Variants in ZNF385D observed in about 807,000 individuals in gnomAD.
ZNF385D encodes zinc finger protein 659.
In ZNF385D, 15 loss-of-function variants were observed where a neutral mutation model predicts 35.8. The ratio of observed to expected loss-of-function variants is 0.42; its 90% CI spans 0.28 to 0.64. The LOEUF (loss-of-function observed/expected upper bound fraction) is 0.64. ZNF385D is among the 30% of genes least tolerant of loss of function. The pLI is 0.23. For missense variants in ZNF385D, 474 were observed against 494.6 expected, an observed-to-expected ratio of 0.96 and a Z score of 0.39; for synonymous variants, 212 against 186.8, an observed-to-expected ratio of 1.13 and a Z score of -1.10.
Position 21,676,282 on chromosome 3 carries a change from T to G in ZNF385D, c.23-11254A>C, listed in dbSNP as rs2066721089. The stretch of plus-strand genomic sequence containing the variant: ...ACTCTATAATACCAAAAAGATACTC[T>G]GATTTCAATTTCCTTAAGAACATTC... On this transcript the variant is annotated intron_variant, in intron 1 of 7. Transcript: ENST00000281523. Among the ~76,000 whole-genome samples, 3 of 152,170 alleles carry G rather than the reference T, an allele frequency of 2.0e-5. No homozygotes were observed. In the South Asian group the frequency reaches 6.2e-4, roughly 31 times the overall value.
intron 4 of ZNF385D, among the ~76,000 whole-genome samples, chr3:21,489,911 C>T (rs772879395): frequency 6.6e-6 from 1 of 152,094 alleles, no homozygotes; most frequent in Non-Finnish European, 1.5e-5. Flanking sequence ...TTTGTCTGGA[C>T]CTGAACACAA....
At chr3:21,915,741 T>C (rs1700165235) in intron 3 of ZNF385D, among the ~76,000 whole-genome samples, 2 of 152,000 alleles carry the variant, frequency 1.3e-5, no homozygotes, top group Admixed American at 1.3e-4. Flanking sequence ...CAAGGGTAGG[T>C]TGGAAATCAA....
rs1259562767 is a variant in ZNF385D, at chr3:21,529,461, C to T, written c.277-18438G>A. On this transcript the variant is annotated intron_variant, in intron 3 of 7. Transcript: ENST00000281523. ...TTTCATCCTTCTTCATTTTTCCTGGCTGTCCTTTCTCATCATAATTTAGAA... is the reference window on the plus strand; with the variant it reads ...TTTCATCCTTCTTCATTTTTCCTGGTTGTCCTTTCTCATCATAATTTAGAA... 2.0e-5 allele frequency among the ~76,000 whole-genome samples: 3 copies of T among 152,270 alleles called. No homozygotes were observed. The East Asian group carries it at 5.8e-4, about 29-fold the overall frequency.
At chr3:21,741,262 C>T (rs1213552297) in intron 1 of ZNF385D, among the ~76,000 whole-genome samples, 1 of 152,142 alleles carries the variant, frequency 6.6e-6, no homozygotes, top group Non-Finnish European at 1.5e-5. Flanking sequence ...CAGATGGGTG[C>T]CATAAACGAA....
intron 3 of ZNF385D, among the ~76,000 whole-genome samples, chr3:22,078,837 A>C (rs1325134578): frequency 2.2e-4 from 34 of 152,084 alleles, no homozygotes; most frequent in Admixed American, 2.2e-3. Flanking sequence ...AGCAAAGATA[A>C]GTTCTATAAT....
At chr3:22,326,966 C>A (rs1039865749) in intron 2 of ZNF385D, among the ~76,000 whole-genome samples, 1 of 152,144 alleles carries the variant, frequency 6.6e-6, no homozygotes, top group Admixed American at 6.5e-5. Flanking sequence ...GGAACATTTG[C>A]AAGTTCCAAG....
At position 21,532,073 on chromosome 3, in the gene ZNF385D, GAA is replaced by G. The variant is rs2061937451; in HGVS notation, c.277-21052_277-21051del. ...GCTCTAAAAATAAAGTCGGGAGAGA[GAA>G]AGAGAGAGAGAGAGAGCAAGCACCA... On this transcript the variant is annotated intron_variant, in intron 3 of 7. Transcript: ENST00000281523. Among the ~76,000 whole-genome samples, 2 of 140,974 alleles carry G rather than the reference GAA, an allele frequency of 1.4e-5. 1 individual carries two copies. Among genetic ancestry groups the G allele is most frequent in the East Asian group, 4.2e-4 (2 of 4,790 alleles). 92.5% of individuals were successfully genotyped at this position (140,974 alleles called of 152,430 possible).
At chr3:22,014,416 G>A (rs1161901156) in intron 3 of ZNF385D, among the ~76,000 whole-genome samples, 1 of 152,050 alleles carries the variant, frequency 6.6e-6, no homozygotes, top group Non-Finnish European at 1.5e-5. Context: ...AGATGCCAGA[G>A]AAAAGAAAGA....
chr3:22,258,302 G>A (rs1417100023), intron 2 of ZNF385D, among the ~76,000 whole-genome samples: 1 of 151,726 alleles, frequency 6.6e-6, no homozygotes, highest in Non-Finnish European at 1.5e-5. Context: ...TATACACACA[G>A]CCACATTTAT....
intron 2 of ZNF385D, among the ~76,000 whole-genome samples, chr3:22,219,244 G>C (rs925249326): frequency 3.3e-5 from 5 of 151,992 alleles, no homozygotes; most frequent in African/African-American, 1.2e-4. Context: ...TGCTCTCCTA[G>C]ATGTGTCTCT....
At chr3:21,552,795 C>T (rs1446089964) in intron 3 of ZNF385D, among the ~76,000 whole-genome samples, 1 of 152,076 alleles carries the variant, frequency 6.6e-6, no homozygotes, top group Non-Finnish European at 1.5e-5. Flanking sequence ...AAATCATAAT[C>T]CCAGGAAAAT....
intron 2 of ZNF385D, among the ~76,000 whole-genome samples, chr3:21,608,943 T>G (rs759098347): frequency 2.6e-5 from 4 of 152,218 alleles, no homozygotes; most frequent in African/African-American, 9.6e-5. Flanking sequence ...GAAAAAAATT[T>G]TAAACATGTT....
At chr3:22,113,096 A>G (rs1034060186) in intron 3 of ZNF385D, among the ~76,000 whole-genome samples, 17 of 152,218 alleles carry the variant, frequency 1.1e-4, no homozygotes, top group Admixed American at 9.2e-4. Context: ...AGTGCCAACA[A>G]TGAGCTGTAA....
chr3:21,864,897 C>A (rs1697254278), intron 3 of ZNF385D, among the ~76,000 whole-genome samples: 1 of 151,132 alleles, frequency 6.6e-6, no homozygotes, highest in South Asian at 2.1e-4. Context: ...TGAAATGAAG[C>A]CTTGAGAGTT....
At chr3:21,623,653 C>T (rs189076679) in intron 2 of ZNF385D, among the ~76,000 whole-genome samples, 2 of 152,096 alleles carry the variant, frequency 1.3e-5, no homozygotes, top group Admixed American at 1.3e-4. Context: ...GAGAAAGACC[C>T]TGTGTCTTAA....
At chr3:22,299,378 A>C (rs559607847) in intron 2 of ZNF385D, among the ~76,000 whole-genome samples, 24 of 152,026 alleles carry the variant, frequency 1.6e-4, no homozygotes, top group African/African-American at 5.5e-4. Flanking sequence ...TTGCATGCTG[A>C]ATATTTTTCC....
intron 1 of ZNF385D, among the ~76,000 whole-genome samples, chr3:21,674,674 G>C (rs1235046760): frequency 6.6e-6 from 1 of 152,060 alleles, no homozygotes; most frequent in Non-Finnish European, 1.5e-5. Flanking sequence ...ACTCTATTCA[G>C]TATTTCCTGG....
intron 3 of ZNF385D, among the ~76,000 whole-genome samples, chr3:21,973,167 A>G (rs1703373794): frequency 6.6e-6 from 1 of 152,000 alleles, no homozygotes; most frequent in Admixed American, 6.6e-5. Context: ...AATTTCCTCA[A>G]CAAAATACCA....
chr3:21,734,444 G>A (rs997580268), intron 1 of ZNF385D, among the ~76,000 whole-genome samples: 2 of 151,840 alleles, frequency 1.3e-5, no homozygotes, highest in African/African-American at 4.8e-5. Flanking sequence ...TGATGAATTT[G>A]TGAGATTTAT....
Sources: allele counts gnomAD v4.1 joint callset (sites outside exome capture counted in the v4.1 genomes callset), GRCh38; gene constraint gnomAD v4.1.1; transcripts MANE v1.5; gene names NCBI Gene and HGNC (gene_info 2026-07-23, HGNC 2026-07-21).